Variants in ATAD1 observed in about 807,000 individuals in gnomAD.
ATAD1 encodes the protein outer mitochondrial transmembrane helix translocase.
ATAD1 carries 18 observed loss-of-function variants against 42.7 expected under a neutral mutation model. That is an observed-to-expected ratio of 0.42 (90% CI 0.29 to 0.63). The LOEUF (loss-of-function observed/expected upper bound fraction) is 0.63. Among genes scored for constraint, ATAD1 ranks in the 20% least tolerant of loss-of-function variants. The pLI is 0.19. For missense variants in ATAD1, 294 were observed against 440.4 expected (o/e 0.67, Z 2.98); for synonymous variants, 132 against 143.1 (o/e 0.92, Z 0.55).
chr10:87,824,288 T>G (rs908863324), intron 1 of ATAD1, among the ~76,000 whole-genome samples: 4 of 152,046 alleles, frequency 2.6e-5, no homozygotes, highest in African/African-American at 9.7e-5. Context: ...TTCAAACCAT[T>G]TTACTGATGA....
At chr10:87,800,181 T>C (rs1426519613) in intron 2 of ATAD1, among the ~76,000 whole-genome samples, 6 of 152,096 alleles carry the variant, frequency 3.9e-5, no homozygotes, top group Non-Finnish European at 8.8e-5. Context: ...AAAAAAATTA[T>C]GTCTATATAT....
At chr10:87,791,543 C>T (rs569528349) in intron 3 of ATAD1, among the ~76,000 whole-genome samples, 2 of 152,178 alleles carry the variant, frequency 1.3e-5, no homozygotes, top group African/African-American at 4.8e-5. Flanking sequence ...GGCAGGGTTC[C>T]AAGAAGGTAC....
chr10:87,817,767 G>A (rs1589565841), intron 1 of ATAD1: 1 of 985,476 alleles, frequency 1.0e-6, no homozygotes, highest in Non-Finnish European at 1.2e-6. Flanking sequence ...TGCACAAGGT[G>A]GTGGCCGCGC....
At chr10:87,775,687 G>C (rs111348101) in intron 6 of ATAD1, among the ~76,000 whole-genome samples, 2 of 152,222 alleles carry the variant, frequency 1.3e-5, no homozygotes, top group African/African-American at 4.8e-5. Context: ...CTGGGAACCT[G>C]AAGAGGAAAA....
intron 6 of ATAD1, among the ~76,000 whole-genome samples, chr10:87,775,089 C>T (rs895794259): frequency 6.6e-6 from 1 of 151,940 alleles, no homozygotes. Flanking sequence ...AAATATAATA[C>T]TTTTTTTAAA....
upstream of ATAD1, among the ~76,000 whole-genome samples, chr10:87,821,474 G>A (rs1241957105): frequency 1.3e-5 from 2 of 152,106 alleles, no homozygotes; most frequent in Non-Finnish European, 1.5e-5. Flanking sequence ...AGAGGTTGCA[G>A]TGAGCCAAGA....
chr10:87,813,040 T>C (rs1308783464), intron 2 of ATAD1, among the ~76,000 whole-genome samples: 1 of 152,208 alleles, frequency 6.6e-6, no homozygotes. Flanking sequence ...ATGAAGGACA[T>C]AATATCTAAT....
chr10:87,780,049 T>C (rs1193442251), intron 5 of ATAD1, among the ~76,000 whole-genome samples: 3 of 152,192 alleles, frequency 2.0e-5, no homozygotes, highest in Non-Finnish European at 4.4e-5. Flanking sequence ...TTACTCCTAA[T>C]TGCCCAAAAC....
chr10:87,788,895 A>C (rs182983751), intron 4 of ATAD1, among the ~76,000 whole-genome samples: 7 of 152,176 alleles, frequency 4.6e-5, no homozygotes, highest in Non-Finnish European at 7.4e-5. Flanking sequence ...GCAGGGGGGA[A>C]ATCACAATAA....
intron 9 of ATAD1, among the ~76,000 whole-genome samples, chr10:87,755,851 G>A (rs140532804): frequency 4.3e-4 from 65 of 151,128 alleles, no homozygotes; most frequent in Non-Finnish European, 8.7e-4. Context: ...GCAGTGAGCC[G>A]AGATCACACC....
At chr10:87,763,665 C>G (rs1309815979) in intron 8 of ATAD1, among the ~76,000 whole-genome samples, 1 of 151,340 alleles carries the variant, frequency 6.6e-6, no homozygotes, top group African/African-American at 2.4e-5. Context: ...ACAGTGAGAC[C>G]CTAAAAAAAC....
intron 1 of ATAD1, among the ~76,000 whole-genome samples, chr10:87,817,544 T>A (rs910063742): frequency 1.3e-5 from 2 of 152,206 alleles, no homozygotes; most frequent in African/African-American, 4.8e-5. Flanking sequence ...ATTCATAGCA[T>A]AGCATTCACT....
upstream of ATAD1, among the ~76,000 whole-genome samples, chr10:87,820,238 G>A (rs1002116102): frequency 4.6e-5 from 7 of 152,182 alleles, no homozygotes; most frequent in Non-Finnish European, 7.3e-5. Context: ...GGGCTAAAAG[G>A]GGGAGGGTCA....
chr10:87,838,048 G>C (rs530679969), intron 1 of ATAD1, among the ~76,000 whole-genome samples: 10 of 152,294 alleles, frequency 6.6e-5, no homozygotes, highest in African/African-American at 2.4e-4. Context: ...CTGAGTTTCA[G>C]ACTGCCTTAT....
intron 2 of ATAD1, among the ~76,000 whole-genome samples, chr10:87,808,178 T>A (rs1857010832): frequency 6.6e-6 from 1 of 152,218 alleles, no homozygotes; most frequent in South Asian, 2.1e-4. Context: ...TTTGGCTTTC[T>A]ATGTAGATTA....
At chr10:87,803,099 T>C (rs990170898) in intron 2 of ATAD1, among the ~76,000 whole-genome samples, 1 of 152,234 alleles carries the variant, frequency 6.6e-6, no homozygotes, top group Non-Finnish European at 1.5e-5. Flanking sequence ...CTTCAGGTAA[T>C]GTGGCCTATA....
At chr10:87,833,284 T>C (rs1314164862) in intron 1 of ATAD1, among the ~76,000 whole-genome samples, 1 of 152,224 alleles carries the variant, frequency 6.6e-6, no homozygotes, top group Non-Finnish European at 1.5e-5. Context: ...CAGTTGTTCA[T>C]TGCTGGTATA....
At position 87,800,114 on chromosome 10, in the gene ATAD1, T is replaced by C. The variant is rs1202509762; in HGVS notation, c.163-7359A>G. ...AAAAAAAAAAAGAACAAAGAAACTT[T>C]TATATAATTAAAGGGAAATTAAAAT... is the stretch of plus-strand genomic sequence containing the variant. On this transcript the variant is annotated intron_variant, in intron 2 of 9. Transcript: ENST00000680024. Among the ~76,000 whole-genome samples the C allele has an allele frequency of 6.6e-5, 10 of 151,462 alleles. 1 individual carries two copies. The highest frequency in any genetic ancestry group is 1.5e-4 in the Non-Finnish European group (10 of 67,928).
At chr10:87,821,880 A>G (rs1857637981), upstream of ATAD1, among the ~76,000 whole-genome samples, 1 of 152,078 alleles carries the variant, frequency 6.6e-6, no homozygotes, top group South Asian at 2.1e-4. Context: ...GTAGTTTTGG[A>G]CTCTATTTTG....
Sources: allele counts gnomAD v4.1 joint callset (sites outside exome capture counted in the v4.1 genomes callset), GRCh38; gene constraint gnomAD v4.1.1; transcripts MANE v1.5; gene names NCBI Gene and HGNC (gene_info 2026-07-23, HGNC 2026-07-21).